The following QTMAN variants were observed in gnomAD, a reference collection of about 807,000 sequenced individuals.
The protein encoded by QTMAN is queuosine-tRNA mannosyltransferase.
At chr2:144,173,904 T>C in the QTMAN span, among the ~76,000 whole-genome samples, 1 of 152,158 alleles carries the variant, frequency 6.6e-6, no homozygotes, top group African/African-American at 2.4e-5. Context: ...CTTCTCTTGC[T>C]CTTCTCTCAA....
chr2:144,297,536 C>T, the QTMAN span, among the ~76,000 whole-genome samples: 1 of 149,248 alleles, frequency 6.7e-6, no homozygotes, highest in African/African-American at 2.5e-5. Flanking sequence ...GGCGTGGTGT[C>T]TCATGCCTGT....
the QTMAN span, among the ~76,000 whole-genome samples, chr2:144,145,203 T>C: frequency 6.6e-6 from 1 of 151,806 alleles, no homozygotes; most frequent in South Asian, 2.1e-4. Flanking sequence ...TATTTTGATT[T>C]TAGCTGAATA....
At chr2:144,100,744 A>C in the QTMAN span, among the ~76,000 whole-genome samples, 1 of 152,104 alleles carries the variant, frequency 6.6e-6, no homozygotes, top group Non-Finnish European at 1.5e-5. Flanking sequence ...TTAATTAGAC[A>C]TGAACTTAGA....
chr2:143,997,393 TG>T, the QTMAN span, among the ~76,000 whole-genome samples: 1 of 152,186 alleles, frequency 6.6e-6, no homozygotes, highest in Non-Finnish European at 1.5e-5. Flanking sequence ...ACAAATCACT[TG>T]GAATCACTTT....
chr2:144,092,390 T>C, the QTMAN span, among the ~76,000 whole-genome samples: 1 of 152,072 alleles, frequency 6.6e-6, no homozygotes, highest in South Asian at 2.1e-4. Context: ...TTAACCAGGA[T>C]GGTCTTGATC....
At chr2:144,191,105 T>C in the QTMAN span, among the ~76,000 whole-genome samples, 1 of 152,220 alleles carries the variant, frequency 6.6e-6, no homozygotes, top group African/African-American at 2.4e-5. Context: ...TTTATGCATA[T>C]TGCCACTGTG....
At chr2:144,086,127 T>TA in the QTMAN span, among the ~76,000 whole-genome samples, 319 of 152,248 alleles carry the variant, frequency 2.1e-3, 4 homozygotes, top group African/African-American at 7.3e-3. Flanking sequence ...TTCTTGCTGT[T>TA]AAAAAAAGAA....
chr2:144,248,042 G>C, the QTMAN span, among the ~76,000 whole-genome samples: 1 of 152,158 alleles, frequency 6.6e-6, no homozygotes, highest in Admixed American at 6.6e-5. Flanking sequence ...GTTAAACTAG[G>C]TGAATGTATT....
chr2:144,308,376 C>T, the QTMAN span, among the ~76,000 whole-genome samples: 1 of 151,918 alleles, frequency 6.6e-6, no homozygotes, highest in Non-Finnish European at 1.5e-5. Flanking sequence ...CTATGTTAGC[C>T]AGGTTGGTCT....
the QTMAN span, among the ~76,000 whole-genome samples, chr2:143,949,978 A>G: frequency 2.0e-5 from 3 of 151,756 alleles, no homozygotes; most frequent in African/African-American, 7.2e-5. Context: ...ATTACTTAAA[A>G]TTTGACTAAT....
the QTMAN span, chr2:143,946,917 T>A: frequency 1.6e-6 from 1 of 637,018 alleles, no homozygotes. Flanking sequence ...TGGCTCTGTG[T>A]CAGCTATGAC....
the QTMAN span, among the ~76,000 whole-genome samples, chr2:144,196,878 CA>C: frequency 7.9e-5 from 12 of 152,214 alleles, no homozygotes; most frequent in African/African-American, 2.6e-4. Context: ...TACTTTTTGG[CA>C]GGGGGGATAG....
At chr2:144,281,163 T>C in the QTMAN span, among the ~76,000 whole-genome samples, 1 of 144,958 alleles carries the variant, frequency 6.9e-6, no homozygotes, top group Admixed American at 7.3e-5. Flanking sequence ...AGTCTAACAA[T>C]ATCAATGTTG....
At chr2:144,098,966 T>G in the QTMAN span, among the ~76,000 whole-genome samples, 15 of 152,156 alleles carry the variant, frequency 9.9e-5, no homozygotes, top group Non-Finnish European at 1.9e-4. Context: ...TAATAATATT[T>G]ACTGAAAATC....
chr2:144,177,377 G>A, the QTMAN span: 1 of 568,352 alleles, frequency 1.8e-6, no homozygotes, highest in South Asian at 2.5e-5. Flanking sequence ...TAGTCAATTG[G>A]AGATGAAGAC....
chr2:144,098,532 C>T, the QTMAN span, among the ~76,000 whole-genome samples: 1 of 151,678 alleles, frequency 6.6e-6, no homozygotes, highest in Non-Finnish European at 1.5e-5. Flanking sequence ...CTGGGCAACA[C>T]GGTGAAACCC....
At chr2:144,069,297 C>CA in the QTMAN span, among the ~76,000 whole-genome samples, 6,672 of 85,404 alleles carry the variant, frequency 0.078, 194 homozygotes, top group Non-Finnish European at 0.11. Context: ...GAATCTTTTA[C>CA]AAAAAAAAAA....
the QTMAN span, among the ~76,000 whole-genome samples, chr2:144,063,329 A>G: frequency 6.6e-6 from 1 of 152,208 alleles, no homozygotes; most frequent in Non-Finnish European, 1.5e-5. Flanking sequence ...CAACTGATTC[A>G]ACTGATTGAG....
At chr2:144,023,336 TTTC>T in the QTMAN span, among the ~76,000 whole-genome samples, 1 of 152,212 alleles carries the variant, frequency 6.6e-6, no homozygotes, top group Non-Finnish European at 1.5e-5. Flanking sequence ...AAGAAGTAGT[TTTC>T]TAAAGTCTAA....
Sources: allele counts gnomAD v4.1 joint callset (sites outside exome capture counted in the v4.1 genomes callset), GRCh38; gene constraint gnomAD v4.1.1; transcripts MANE v1.5; gene names NCBI Gene and HGNC (gene_info 2026-07-23, HGNC 2026-07-21).